SMAD1: variants seen among roughly 807,000 people sequenced by gnomAD.
The protein encoded by SMAD1 is MAD, mothers against decapentaplegic homolog 1.
A neutral mutation model predicts 41.6 loss-of-function variants in SMAD1; 6 were observed. The observed-to-expected ratio is 0.14, with a 90% CI of 0.08 to 0.28. The LOEUF (loss-of-function observed/expected upper bound fraction) is 0.28, where lower values mean the gene tolerates loss of function less well. SMAD1 is among the 10% of genes least tolerant of loss of function. The pLI is 1.00. For synonymous variants in SMAD1, 206 were observed against 203.2 expected, an observed-to-expected ratio of 1.01 and a Z score of -0.12; for missense variants, 379 against 582.6, an observed-to-expected ratio of 0.65 and a Z score of 3.60.
At chr4:145,511,694 G>A (rs1225770953) in intron 1 of SMAD1, among the ~76,000 whole-genome samples, 2 of 152,094 alleles carry the variant, frequency 1.3e-5, no homozygotes, top group Non-Finnish European at 2.9e-5. Context: ...ACCATGGCCT[G>A]GATAACACAA....
intron 2 of SMAD1, chr4:145,525,777 A>G (rs553399132): frequency 6.6e-6 from 1 of 152,340 alleles, no homozygotes; most frequent in South Asian, 2.1e-4. Flanking sequence ...CATAATACTC[A>G]ATTGCAGGTC....
upstream of SMAD1, chr4:145,481,185 T>A (rs543133453): frequency 2.0e-5 from 3 of 152,170 alleles, no homozygotes; most frequent in Non-Finnish European, 4.4e-5. Context: ...TATCTCCTTA[T>A]GGCATGCCAT....
chr4:145,490,972 C>G (rs1728738900), intron 1 of SMAD1, among the ~76,000 whole-genome samples: 2 of 152,066 alleles, frequency 1.3e-5, no homozygotes, highest in Admixed American at 1.3e-4. Flanking sequence ...GCAGTGGATT[C>G]TTGTCATAGT....
At chr4:145,525,532 TG>T in intron 2 of SMAD1, among the ~76,000 whole-genome samples, 1 of 151,824 alleles carries the variant, frequency 6.6e-6, no homozygotes. Flanking sequence ...CCAGTTTGGC[TG>T]GGGATTGGTG....
At chr4:145,499,266 G>A (rs889164306) in intron 1 of SMAD1, among the ~76,000 whole-genome samples, 1 of 152,176 alleles carries the variant, frequency 6.6e-6, no homozygotes, top group African/African-American at 2.4e-5. Flanking sequence ...GGAAAATTCT[G>A]CACCTAACTT....
At chr4:145,512,118 G>A (rs1730113806) in intron 1 of SMAD1, among the ~76,000 whole-genome samples, 1 of 152,206 alleles carries the variant, frequency 6.6e-6, no homozygotes, top group South Asian at 2.1e-4. Flanking sequence ...ATGCTGAAAT[G>A]TCAGCTGTCA....
At chr4:145,501,637 GTTTC>G (rs1401566017) in intron 1 of SMAD1, among the ~76,000 whole-genome samples, 1 of 134,772 alleles carries the variant, frequency 7.4e-6, no homozygotes, top group Non-Finnish European at 1.5e-5. Context: ...CAGGATTTTT[GTTTC>G]TTTTTTTTTT....
intron 5 of SMAD1, among the ~76,000 whole-genome samples, chr4:145,552,786 A>C (rs1164118405): frequency 6.6e-6 from 1 of 152,224 alleles, no homozygotes; most frequent in Non-Finnish European, 1.5e-5. Context: ...CTTTATAGTA[A>C]ATACATAGCA....
intron 6 of SMAD1, 120 bp downstream of exon 6, chr4:145,554,160 CTT>C (rs1252891071): frequency 7.6e-6 from 7 of 919,496 alleles, no homozygotes; most frequent in Non-Finnish European, 1.1e-5. Context: ...TATTAGCTGA[CTT>C]ATTATCTAGG....
In SMAD1 at chr4:145,558,064, A is replaced by T; in HGVS notation, c.*130A>T. On this transcript the variant is annotated 3_prime_UTR_variant, in exon 7 of 7. Transcript: ENST00000302085. ...CTTGACCTCTGTGACCAACTGTTGG[A>T]TTCAGAAATTTAAACAAAAAAAAAA... The T allele has an allele frequency of 1.2e-5, 5 of 431,782 alleles. No individual in the cohort carries two copies. The highest frequency in any genetic ancestry group is 2.1e-5 in the African/African-American group (1 of 48,060). 26.7% of individuals were successfully genotyped at this position (431,782 alleles called of 1,614,324 possible).
Position 145,557,835 on chromosome 4 carries a change from C to A in SMAD1, c.1299C>A (p.Pro433=), listed in dbSNP as rs1209373537. ...ACCGCCAGGATGTTACTAGCACCCC[C>A]TGCTGGATTGAGATACATCTGCACG... ...EYHRQDVTST[P]CWIEIHLHGP... is the part of the protein sequence containing the mutation. Residue 433 remains proline, a synonymous_variant, in exon 7 of 7, where the codon CCC becomes CCA. Coordinates refer to ENST00000302085, the MANE Select transcript of SMAD1 (RefSeq NM_005900.3). 6.2e-7 allele frequency: 1 copy of A among 1,612,650 alleles called. No homozygotes were observed. Among genetic ancestry groups the A allele is most frequent in the Non-Finnish European group, 8.5e-7 (1 of 1,179,036 alleles).
At chr4:145,488,316 T>C (rs757914855) in intron 1 of SMAD1, among the ~76,000 whole-genome samples, 5 of 152,198 alleles carry the variant, frequency 3.3e-5, no homozygotes, top group Non-Finnish European at 5.9e-5. Flanking sequence ...GGGGTCTCTC[T>C]GTTGATTCAG....
intron 1 of SMAD1, among the ~76,000 whole-genome samples, chr4:145,499,947 T>C (rs910917427): frequency 1.2e-4 from 18 of 152,312 alleles, no homozygotes; most frequent in African/African-American, 4.3e-4. Context: ...AAAATCTCGC[T>C]CAGTCTTACA....
chr4:145,506,274 T>C (rs939594766), intron 1 of SMAD1, among the ~76,000 whole-genome samples: 2 of 152,232 alleles, frequency 1.3e-5, no homozygotes, highest in South Asian at 2.1e-4. Context: ...CTTTGTGCCA[T>C]GATTTTTTAC....
intron 5 of SMAD1, among the ~76,000 whole-genome samples, chr4:145,548,812 TTAAC>T (rs1732397753): frequency 6.6e-6 from 1 of 152,220 alleles, no homozygotes; most frequent in African/African-American, 2.4e-5. Context: ...ATAAAAAGCA[TTAAC>T]TAAACAGTGG....
chr4:145,523,013 A>G (rs967890928), intron 2 of SMAD1, among the ~76,000 whole-genome samples: 3 of 152,206 alleles, frequency 2.0e-5, no homozygotes, highest in African/African-American at 7.2e-5. Flanking sequence ...TGTGGTAACA[A>G]AAAACTTCAG....
Position 145,554,275 on chromosome 4 carries a change from T to A in SMAD1, c.1254+235T>A, listed in dbSNP as rs1732719660. 2.6e-5 allele frequency among the ~76,000 whole-genome samples: 4 copies of A among 152,150 alleles called. No homozygotes were observed. In the South Asian group the frequency reaches 8.3e-4, roughly 31 times the overall value. ...ATAGCAGTAGGTTTTACTAGCCTTTTCCTTATTCAGATAGCACCGCTTTAG... is the reference window on the plus strand; with the variant it reads ...ATAGCAGTAGGTTTTACTAGCCTTTACCTTATTCAGATAGCACCGCTTTAG... On this transcript the variant is annotated intron_variant, in intron 6 of 6. Transcript: ENST00000302085.
At position 145,514,342 on chromosome 4, in the gene SMAD1, A is replaced by T. The variant is rs1478807516; in HGVS notation, c.-176-96A>T. On this transcript the variant is annotated intron_variant, in intron 1 of 6. Transcript: ENST00000302085. This position sits in a 1 kb window ranked among gnomAD's most constrained non-coding sequence, Gnocchi z 4.7. ...CAGTCCACAGCATACTGTATTACAT[A>T]AAAGCACTTAAAATAGTACCTAGCA... 5.5e-5 allele frequency: 19 copies of T among 347,758 alleles called. No homozygotes were observed. Among genetic ancestry groups the T allele is most frequent in the Non-Finnish European group, 8.8e-5 (17 of 193,926 alleles). The allele number at this position is 347,758 out of a possible 1,614,324, so 21.5% of individuals were successfully genotyped here.
intron 4 of SMAD1, among the ~76,000 whole-genome samples, chr4:145,543,928 C>T (rs570854399): frequency 3.5e-4 from 53 of 152,238 alleles, no homozygotes; most frequent in African/African-American, 1.1e-3. Flanking sequence ...CATTTTAGTG[C>T]TTTTTTATTA....
Sources: allele counts gnomAD v4.1 joint callset (sites outside exome capture counted in the v4.1 genomes callset), GRCh38; gene constraint gnomAD v4.1.1; non-coding constraint Gnocchi (gnomAD v3.1); transcripts MANE v1.5; gene names NCBI Gene and HGNC (gene_info 2026-07-23, HGNC 2026-07-21).